TCF12: variants seen among roughly 807,000 people sequenced by gnomAD.
The protein encoded by TCF12 is DNA-binding protein HTF4.
Under a neutral mutation model 86.0 loss-of-function variants are expected in TCF12, and 45 were observed. That is an observed-to-expected ratio of 0.52 (90% CI 0.41 to 0.67). TCF12 has a LOEUF of 0.67. Ranked by LOEUF, TCF12 falls within the 30% of genes least tolerant of loss-of-function variation. The probability of loss-of-function intolerance (pLI) is 0.00; values close to 1 mark genes in which losing one functional copy is unlikely to be tolerated. For synonymous variants in TCF12, 330 were observed against 299.6 expected, an observed-to-expected ratio of 1.10 and a Z score of -1.05; for missense variants, 881 against 859.9, an observed-to-expected ratio of 1.02 and a Z score of -0.31.
chr15:57,145,069 C>T (rs1329046126), intron 5 of TCF12, among the ~76,000 whole-genome samples: 2 of 152,010 alleles, frequency 1.3e-5, no homozygotes, highest in African/African-American at 4.8e-5. Context: ...ATGGATGAGC[C>T]AAAAGAAAAT....
chr15:57,099,885 T>G (rs1463656937), intron 5 of TCF12, among the ~76,000 whole-genome samples: 4 of 151,938 alleles, frequency 2.6e-5, no homozygotes, highest in Non-Finnish European at 4.4e-5. Flanking sequence ...TTTTTTTAAG[T>G]TATCTGGTCT....
chr15:57,224,024 T>A (rs927310282), intron 8 of TCF12, among the ~76,000 whole-genome samples: 13 of 152,046 alleles, frequency 8.6e-5, no homozygotes, highest in Admixed American at 3.3e-4. Context: ...CAAAAATATC[T>A]GCGACTATGG....
At chr15:57,222,568 A>G (rs1223959350) in intron 8 of TCF12, among the ~76,000 whole-genome samples, 1 of 151,612 alleles carries the variant, frequency 6.6e-6, no homozygotes, top group African/African-American at 2.4e-5. Context: ...ACTATTTTGC[A>G]CCTTATACTG....
At chr15:57,121,925 T>G (rs886369870) in intron 5 of TCF12, among the ~76,000 whole-genome samples, 7 of 152,280 alleles carry the variant, frequency 4.6e-5, no homozygotes, top group Non-Finnish European at 1.0e-4. Flanking sequence ...AGGTTGTCCT[T>G]GCCATATTTT....
intron 4 of TCF12, among the ~76,000 whole-genome samples, chr15:57,081,010 C>T (rs536472257): frequency 1.3e-5 from 2 of 152,114 alleles, no homozygotes; most frequent in East Asian, 1.9e-4. Context: ...CACTTAGCAG[C>T]GGAGGTTTTT....
At chr15:57,015,173 G>T (rs200795885) in intron 3 of TCF12, among the ~76,000 whole-genome samples, 2 of 152,074 alleles carry the variant, frequency 1.3e-5, no homozygotes, top group East Asian at 3.9e-4. Flanking sequence ...TTGTAATTCT[G>T]GCTACTCAGG....
chr15:57,249,966 CAT>C (rs1347986265), intron 13 of TCF12, among the ~76,000 whole-genome samples: 5 of 152,112 alleles, frequency 3.3e-5, no homozygotes, highest in Admixed American at 3.3e-4. Context: ...TTCTCTCTAA[CAT>C]ATGGATGAAT....
At chr15:57,225,216 T>A (rs889239658) in intron 8 of TCF12, among the ~76,000 whole-genome samples, 76 of 138,912 alleles carry the variant, frequency 5.5e-4, no homozygotes, top group African/African-American at 1.8e-3. Context: ...GTTACTGATA[T>A]ATGCTTTTTT....
At chr15:57,243,871 A>C (rs1255101330) in intron 13 of TCF12, among the ~76,000 whole-genome samples, 1 of 152,084 alleles carries the variant, frequency 6.6e-6, no homozygotes, top group Non-Finnish European at 1.5e-5. Flanking sequence ...ATGAAATCAA[A>C]AGTTTTTCTA....
chr15:56,992,947 C>T (rs1195042773), intron 3 of TCF12, among the ~76,000 whole-genome samples: 3 of 152,186 alleles, frequency 2.0e-5, no homozygotes, highest in African/African-American at 7.2e-5. Context: ...TAACCACATG[C>T]ACCCCGTCTT....
At chr15:57,033,777 A>C (rs2066343224) in intron 3 of TCF12, among the ~76,000 whole-genome samples, 1 of 152,182 alleles carries the variant, frequency 6.6e-6, no homozygotes, top group African/African-American at 2.4e-5. Context: ...AAAACCCTTC[A>C]ATTTCACAGC....
At chr15:57,173,536 C>A (rs1443169755) in intron 6 of TCF12, among the ~76,000 whole-genome samples, 6 of 151,928 alleles carry the variant, frequency 3.9e-5, no homozygotes, top group Non-Finnish European at 8.8e-5. Flanking sequence ...ACACAAATTA[C>A]CAGAATCTGG....
Position 57,247,238 on chromosome 15 carries a change from T to C in TCF12, c.1114+3688T>C, listed in dbSNP as rs2151988467. On this transcript the variant is annotated intron_variant, in intron 13 of 20. Coordinates refer to ENST00000333725, the MANE Select transcript of TCF12 (RefSeq NM_207037.2). ...AGGACTACCACCATAGTTGCCACCA[T>C]CACCTCCAAAACCATTATATCCGCC... is the stretch of plus-strand genomic sequence containing the variant. The C allele has an allele frequency of 1.7e-5, 11 of 632,968 alleles. No individual in the cohort carries two copies. The South Asian group carries it at 1.8e-4, about 10-fold the overall frequency. 39.2% of individuals were successfully genotyped at this position (632,968 alleles called of 1,614,324 possible).
At chr15:57,187,268 A>C (rs1892863928) in intron 6 of TCF12, among the ~76,000 whole-genome samples, 1 of 152,214 alleles carries the variant, frequency 6.6e-6, no homozygotes, top group African/African-American at 2.4e-5. Flanking sequence ...ACTTAACTCC[A>C]TTTGGTAAAG....
At chr15:56,965,516 A>G (rs1202591454) in intron 3 of TCF12, among the ~76,000 whole-genome samples, 2 of 152,190 alleles carry the variant, frequency 1.3e-5, no homozygotes, top group African/African-American at 4.8e-5. Context: ...GCTGAATCAA[A>G]TATTTTTAGA....
At position 56,919,938 on chromosome 15, in the gene TCF12, G is replaced by A; in HGVS notation, c.25G>A (p.Ala9Thr). ...GATGAATCCCCAGCAACAACGCATG[G>A]CCGCTATAGGGACCGACAAGGAGCT... MNPQQQRM[A>T]AIGTDKELSD... is the part of the protein sequence containing the mutation. The change falls in exon 2 of 21, where the codon GCC becomes ACC. Residue 9 changes from alanine (A) to threonine (T), a missense_variant. Physicochemically the swap from Ala to Thr is moderately conservative, Grantham distance 58. Coordinates refer to ENST00000333725, the MANE Select transcript of TCF12 (RefSeq NM_207037.2). 6.2e-7 allele frequency: 1 copy of A among 1,614,082 alleles called. No individual in the cohort carries two copies. The highest frequency in any genetic ancestry group is 1.1e-5 in the South Asian group (1 of 91,072).
rs533214698 is a variant in TCF12, at chr15:57,186,287, C to T, written c.391-5871C>T. Among the ~76,000 whole-genome samples, 49 of 152,226 alleles carry T rather than the reference C, an allele frequency of 3.2e-4. No homozygotes were observed. The South Asian group carries it at 0.01, about 32-fold the overall frequency. Reference sequence around the variant, plus strand: ...GCTGACGTGAGAGGATCACTTGAGCCCTGGCGTTCAAGACCACCCTGGGCA... The same window carrying T: ...GCTGACGTGAGAGGATCACTTGAGCTCTGGCGTTCAAGACCACCCTGGGCA... On this transcript the variant is annotated intron_variant, in intron 6 of 20. Transcript: ENST00000333725.
At chr15:56,931,084 A>C (rs2060227222) in intron 3 of TCF12, among the ~76,000 whole-genome samples, 1 of 150,000 alleles carries the variant, frequency 6.7e-6, no homozygotes. Context: ...TTCACCCCCC[A>C]CCCCAGGGAT....
At chr15:57,143,050 AG>A (rs1211686077) in intron 5 of TCF12, among the ~76,000 whole-genome samples, 2 of 151,722 alleles carry the variant, frequency 1.3e-5, no homozygotes, top group Admixed American at 6.6e-5. Context: ...TAAATGCTTG[AG>A]GTGATGGATA....
Sources: gnomAD v4.1 joint callset for allele counts (sites outside exome capture counted in the v4.1 genomes callset) on GRCh38, gnomAD v4.1.1 for gene constraint, MANE v1.5 for transcripts, NCBI Gene and HGNC (gene_info 2026-07-23, HGNC 2026-07-21) for gene names.